The following RARB variants were observed in gnomAD, a reference collection of about 807,000 sequenced individuals.
RARB encodes retinoic acid receptor beta, also known as HBV-activated protein.
A neutral mutation model predicts 51.9 loss-of-function variants in RARB; 17 were observed. That is an observed-to-expected ratio of 0.33 (90% CI 0.22 to 0.49). The LOEUF is 0.49. Ranked by LOEUF, RARB falls within the 20% of genes least tolerant of loss-of-function variation. RARB has a pLI of 0.99. For synonymous variants in RARB, 215 were observed against 195.4 expected (o/e 1.10, Z -0.84); for missense variants, 369 against 550.8 (o/e 0.67, Z 3.30).
chr3:25,315,407 A>G (rs1432596203), intron 5 of RARB, among the ~76,000 whole-genome samples: 1 of 152,222 alleles, frequency 6.6e-6, no homozygotes, highest in Non-Finnish European at 1.5e-5. Context: ...GACCATGTAC[A>G]CAGTTTGCTA....
At chr3:25,549,812 T>C (rs1431348338) in intron 3 of RARB, among the ~76,000 whole-genome samples, 1 of 152,172 alleles carries the variant, frequency 6.6e-6, no homozygotes, top group Non-Finnish European at 1.5e-5. Flanking sequence ...TACCATTCTT[T>C]CATGGTCATG....
At position 24,882,736 on chromosome 3, in the gene RARB, G is replaced by T. The variant is rs1329075629; in HGVS notation, c.-380+23984G>T. 2.0e-5 allele frequency among the ~76,000 whole-genome samples: 3 copies of T among 152,130 alleles called. No homozygotes were observed. The East Asian group carries it at 5.8e-4, about 29-fold the overall frequency. On this transcript the variant is annotated intron_variant, in intron 2 of 11. Transcript: ENST00000383772. Reference sequence around the variant, plus strand: ...GCCTTAACTTGTTACCCAGTCCACAGACATTCCCCATGTCTCTGCTGTCAG... The same window carrying T: ...GCCTTAACTTGTTACCCAGTCCACATACATTCCCCATGTCTCTGCTGTCAG...
chr3:25,254,206 G>T lies in RARB; in HGVS notation c.178+79631G>T, dbSNP rs113746213. ...ATAAGGAGTTTAATATTAAAAATTT[G>T]TCAGTGTTTCCTATTATCCGAAAGA... On this transcript the variant is annotated intron_variant, in intron 5 of 11. Coordinates refer to the RARB transcript ENST00000383772. 2.8e-3 allele frequency among the ~76,000 whole-genome samples: 427 copies of T among 152,196 alleles called. 3 individuals are homozygous for T. Among genetic ancestry groups the T allele is most frequent in the African/African-American group, 9.9e-3 (412 of 41,542 alleles).
intron 1 of RARB, among the ~76,000 whole-genome samples, chr3:24,853,274 G>A (rs1035260585): frequency 6.6e-6 from 1 of 152,028 alleles, no homozygotes; most frequent in Non-Finnish European, 1.5e-5. Flanking sequence ...CCCAGATCGC[G>A]CCACTGCACT....
At chr3:25,161,613 C>T (rs1229279427) in intron 4 of RARB, among the ~76,000 whole-genome samples, 1 of 152,174 alleles carries the variant, frequency 6.6e-6, no homozygotes, top group African/African-American at 2.4e-5. Flanking sequence ...CTTCCACTGG[C>T]TCACAAATGT....
chr3:25,282,168 C>G (rs1703539598), intron 5 of RARB, among the ~76,000 whole-genome samples: 1 of 152,074 alleles, frequency 6.6e-6, no homozygotes, highest in Non-Finnish European at 1.5e-5. Flanking sequence ...CAGATATGGC[C>G]CTGTATTACC....
intron 5 of RARB, among the ~76,000 whole-genome samples, chr3:25,235,446 G>A (rs997327375): frequency 2.0e-5 from 3 of 152,138 alleles, no homozygotes; most frequent in East Asian, 3.9e-4. Context: ...ATAAAAAAAA[G>A]TATCTGTCTC....
At chr3:24,842,056 C>A (rs986004533) in intron 1 of RARB, among the ~76,000 whole-genome samples, 6 of 152,068 alleles carry the variant, frequency 3.9e-5, no homozygotes, top group Non-Finnish European at 7.4e-5. Context: ...AAGAATTCTC[C>A]ATTTTTGTTG....
intron 2 of RARB, among the ~76,000 whole-genome samples, chr3:24,911,337 A>C (rs1057125681): frequency 2.7e-4 from 41 of 152,176 alleles, no homozygotes; most frequent in Non-Finnish European, 5.1e-4. Flanking sequence ...ATATAAAATC[A>C]AAAAAAGCTT....
intron 4 of RARB, among the ~76,000 whole-genome samples, chr3:25,133,716 T>G (rs1164110655): frequency 3.3e-5 from 5 of 151,916 alleles, no homozygotes; most frequent in African/African-American, 1.2e-4. Context: ...AGAAAGGAGT[T>G]TCACTAAAAT....
At chr3:24,934,169 T>C (rs1049025830) in intron 2 of RARB, among the ~76,000 whole-genome samples, 3 of 152,144 alleles carry the variant, frequency 2.0e-5, no homozygotes, top group Non-Finnish European at 4.4e-5. Context: ...AGCTGTGTCC[T>C]TGGTCCTAGC....
At chr3:25,123,963 A>T (rs1265555362) in intron 3 of RARB, among the ~76,000 whole-genome samples, 2 of 152,192 alleles carry the variant, frequency 1.3e-5, no homozygotes, top group Non-Finnish European at 2.9e-5. Context: ...GTCTGTGTCA[A>T]AGATAACTTT....
chr3:25,060,456 C>T (rs577383748), intron 3 of RARB, among the ~76,000 whole-genome samples: 51 of 151,842 alleles, frequency 3.4e-4, no homozygotes, highest in African/African-American at 1.1e-3. Flanking sequence ...CTATAAGGGG[C>T]CAGATAGTGA....
At chr3:25,105,824 T>C (rs370834899) in intron 3 of RARB, among the ~76,000 whole-genome samples, 2 of 152,222 alleles carry the variant, frequency 1.3e-5, no homozygotes, top group East Asian at 3.8e-4. Flanking sequence ...AAACTCACTA[T>C]CATGAACATA....
rs550583500 is a variant in RARB at position 25,481,883 on chromosome 3, T to C, written c.307-19299T>C. Among the ~76,000 whole-genome samples, 54 of 152,256 alleles carry C rather than the reference T, an allele frequency of 3.5e-4. 1 individual carries two copies. The highest frequency in any genetic ancestry group is 6.8e-4 in the Non-Finnish European group (46 of 68,044). ...GCTTATGCTCTGCCAGGTACTGTTT[T>C]AGGCTATTAACAAATTTAATATTCA... is the stretch of plus-strand genomic sequence containing the variant. On this transcript the variant is annotated intron_variant, in intron 2 of 7. Coordinates refer to ENST00000330688, the MANE Select transcript of RARB (RefSeq NM_000965.5).
chr3:24,847,906 G>T (rs991014251), intron 1 of RARB, among the ~76,000 whole-genome samples: 3 of 152,160 alleles, frequency 2.0e-5, no homozygotes, highest in Admixed American at 2.0e-4. Flanking sequence ...AAGACCAGGG[G>T]TGCCCCATAG....
chr3:25,466,970 G>A (rs1156250243), intron 2 of RARB, among the ~76,000 whole-genome samples: 4 of 152,230 alleles, frequency 2.6e-5, no homozygotes, highest in South Asian at 2.1e-4. Flanking sequence ...TGGCAAGCCC[G>A]CTGGTTTTGC....
intron 5 of RARB, among the ~76,000 whole-genome samples, chr3:25,257,015 T>C (rs892318451): frequency 6.6e-6 from 1 of 152,048 alleles, no homozygotes; most frequent in Non-Finnish European, 1.5e-5. Context: ...CCTGACAGCC[T>C]CAGAAAAGGG....
At chr3:25,249,990 G>A (rs1017860001) in intron 5 of RARB, among the ~76,000 whole-genome samples, 4 of 151,470 alleles carry the variant, frequency 2.6e-5, no homozygotes, top group African/African-American at 4.8e-5. Context: ...TCGGTGGGTG[G>A]GAAGATCTTC....
Sources: gnomAD v4.1 joint callset for allele counts (sites outside exome capture counted in the v4.1 genomes callset) on GRCh38, gnomAD v4.1.1 for gene constraint, MANE v1.5 for transcripts, NCBI Gene and HGNC (gene_info 2026-07-23, HGNC 2026-07-21) for gene names.